ASTN2: variants seen among roughly 807,000 people sequenced by gnomAD.
The protein encoded by ASTN2 is astrotactin 2.
A neutral mutation model predicts 139.8 loss-of-function variants in ASTN2; 54 were observed. The ratio of observed to expected loss-of-function variants is 0.39; its 90% CI spans 0.31 to 0.48. The LOEUF (loss-of-function observed/expected upper bound fraction) is 0.48, where lower values mean the gene tolerates loss of function less well. Ranked by LOEUF, ASTN2 falls within the 20% of genes least tolerant of loss-of-function variation. The pLI is 0.95. For synonymous variants in ASTN2, 756 were observed against 719.5 expected (o/e 1.05, Z -0.81); for missense variants, 1,565 against 1,725.1 (o/e 0.91, Z 1.64).
chr9:116,893,799 C>G (rs1833820080), intron 10 of ASTN2, among the ~76,000 whole-genome samples: 1 of 152,014 alleles, frequency 6.6e-6, no homozygotes, highest in African/African-American at 2.4e-5. Flanking sequence ...CTTCTTAGGT[C>G]CATAATTGCT....
intron 2 of ASTN2, among the ~76,000 whole-genome samples, chr9:117,254,256 G>T (rs985703394): frequency 3.3e-5 from 5 of 152,152 alleles, no homozygotes; most frequent in Non-Finnish European, 7.4e-5. Flanking sequence ...GAGTCAAAAT[G>T]ATAAAGGCTA....
chr9:117,157,307 A>G (rs902259990), intron 3 of ASTN2, among the ~76,000 whole-genome samples: 1 of 151,970 alleles, frequency 6.6e-6, no homozygotes, highest in African/African-American at 2.4e-5. Flanking sequence ...GACTGGAAGG[A>G]AAAAAGACAC....
chr9:117,047,623 T>C (rs1481019334), intron 5 of ASTN2, among the ~76,000 whole-genome samples: 1 of 152,186 alleles, frequency 6.6e-6, no homozygotes, highest in Non-Finnish European at 1.5e-5. Context: ...TGAGTGAACT[T>C]CTGCTGTCCA....
intron 16 of ASTN2, among the ~76,000 whole-genome samples, chr9:116,656,841 G>C (rs981044238): frequency 6.6e-6 from 1 of 152,116 alleles, no homozygotes; most frequent in African/African-American, 2.4e-5. Flanking sequence ...AAAGCTGCAC[G>C]GATGTTTGTT....
At chr9:116,851,842 G>C (rs550170231) in intron 11 of ASTN2, among the ~76,000 whole-genome samples, 1 of 152,118 alleles carries the variant, frequency 6.6e-6, no homozygotes, top group African/African-American at 2.4e-5. Flanking sequence ...AAGTTGAGGG[G>C]TGCCAAATCC....
chr9:117,108,241 A>G (rs189061476), intron 4 of ASTN2, among the ~76,000 whole-genome samples: 2 of 152,236 alleles, frequency 1.3e-5, no homozygotes, highest in East Asian at 3.9e-4. Context: ...CATGCTAGGT[A>G]TTCCCTTCTT....
chr9:117,207,966 A>C (rs1281151185), intron 3 of ASTN2, among the ~76,000 whole-genome samples: 1 of 152,212 alleles, frequency 6.6e-6, no homozygotes. Context: ...AGGACAGCAC[A>C]ACACACCAAA....
chr9:117,196,141 C>T (rs1309215556), intron 3 of ASTN2, among the ~76,000 whole-genome samples: 1 of 152,152 alleles, frequency 6.6e-6, no homozygotes, highest in Admixed American at 6.5e-5. Context: ...TTTCACCTGA[C>T]TCAGCCATAC....
At chr9:117,302,009 A>T (rs1418789775) in intron 1 of ASTN2, among the ~76,000 whole-genome samples, 2 of 128,472 alleles carry the variant, frequency 1.6e-5, no homozygotes, top group Non-Finnish European at 3.1e-5. Flanking sequence ...ACTCCCTGTC[A>T]GTTGTCTGTC....
intron 16 of ASTN2, among the ~76,000 whole-genome samples, chr9:116,657,731 T>G (rs993322966): frequency 6.6e-6 from 1 of 152,090 alleles, no homozygotes; most frequent in Non-Finnish European, 1.5e-5. Context: ...ATCTCAGTTA[T>G]TTGGGAGGCT....
intron 4 of ASTN2, among the ~76,000 whole-genome samples, chr9:117,117,237 A>C (rs558285854): frequency 6.6e-6 from 1 of 152,276 alleles, no homozygotes; most frequent in African/African-American, 2.4e-5. Context: ...CTACACAAAC[A>C]CCAAACTTAA....
chr9:116,709,590 GC>G (rs1309868868), intron 16 of ASTN2, among the ~76,000 whole-genome samples: 1 of 152,130 alleles, frequency 6.6e-6, no homozygotes. Flanking sequence ...GCCAATAGCA[GC>G]AAAAACAGTT....
chr9:117,172,528 T>C (rs1830819069), intron 3 of ASTN2, among the ~76,000 whole-genome samples: 2 of 152,246 alleles, frequency 1.3e-5, no homozygotes, highest in East Asian at 1.9e-4. Context: ...TTAATCTACA[T>C]GCATCACCTC....
intron 13 of ASTN2, among the ~76,000 whole-genome samples, chr9:116,746,671 C>A (rs1472766294): frequency 6.6e-6 from 1 of 152,012 alleles, no homozygotes; most frequent in Admixed American, 6.6e-5. Flanking sequence ...TTTCAGTTTT[C>A]TTTTTCCCTA....
intron 3 of ASTN2, among the ~76,000 whole-genome samples, chr9:117,167,953 G>A (rs1221760213): frequency 6.6e-6 from 1 of 152,108 alleles, no homozygotes. Flanking sequence ...ATTTTAGAGA[G>A]GTTATCAAGG....
At chr9:116,532,923 T>C (rs1251318139) in intron 19 of ASTN2, among the ~76,000 whole-genome samples, 1 of 152,232 alleles carries the variant, frequency 6.6e-6, no homozygotes, top group Non-Finnish European at 1.5e-5. Flanking sequence ...TTGCTGGGGA[T>C]GGCACTGAAT....
chr9:116,790,646 G>A lies in ASTN2; in HGVS notation c.2396+14986C>T, dbSNP rs141108733. Among the ~76,000 whole-genome samples the A allele has an allele frequency of 1.1e-3, 167 of 151,302 alleles. 1 individual carries two copies. The highest frequency in any genetic ancestry group is 3.8e-3 in the African/African-American group (158 of 41,226). The stretch of plus-strand genomic sequence containing the variant: ...AGTCCTTCTGCACAAGAATAGGGAC[G>A]TCAACTGTCTTCTTCTCTTTATCTC... On this transcript the variant is annotated intron_variant, in intron 13 of 22. Transcript: ENST00000313400.
intron 18 of ASTN2, among the ~76,000 whole-genome samples, chr9:116,619,688 A>ATT (rs766517097): frequency 0.037 from 2,725 of 74,200 alleles, 107 homozygotes; most frequent in African/African-American, 0.093. Flanking sequence ...CACACGGGCT[A>ATT]TTTTTTTTTT....
chr9:116,702,368 G>A (rs1354299641), intron 16 of ASTN2, among the ~76,000 whole-genome samples: 5 of 151,962 alleles, frequency 3.3e-5, no homozygotes, highest in Non-Finnish European at 5.9e-5. Flanking sequence ...TGCTTAACAG[G>A]TTTCTATTTG....
Sources: gnomAD v4.1 joint callset for allele counts (sites outside exome capture counted in the v4.1 genomes callset) on GRCh38, gnomAD v4.1.1 for gene constraint, MANE v1.5 for transcripts, NCBI Gene and HGNC (gene_info 2026-07-23, HGNC 2026-07-21) for gene names.